Variants in AAK1 observed in about 807,000 individuals in gnomAD.
AAK1 encodes the protein AP2 associated kinase 1, also known as AP2-associated protein kinase 1.
In AAK1, 37 loss-of-function variants were observed where a neutral mutation model predicts 116.0. That is an observed-to-expected ratio of 0.32 (90% CI 0.25 to 0.42). The LOEUF (loss-of-function observed/expected upper bound fraction) is 0.42. Ranked by LOEUF, AAK1 falls within the 10% of genes least tolerant of loss-of-function variation. The pLI is 1.00. For synonymous variants in AAK1, 458 were observed against 439.9 expected (o/e 1.04, Z -0.51); for missense variants, 919 against 1,170.6 (o/e 0.79, Z 3.14).
At chr2:69,622,349 G>A (rs925592207) in intron 2 of AAK1, among the ~76,000 whole-genome samples, 55 of 139,834 alleles carry the variant, frequency 3.9e-4, no homozygotes, top group African/African-American at 1.3e-3. Flanking sequence ...CTGCGCAGCC[G>A]GAGCCTCCCC....
At chr2:69,482,635 T>A in intron 18 of AAK1, 76 bp downstream of exon 18, 1 of 1,226,138 alleles carries the variant, frequency 8.2e-7, no homozygotes, top group Non-Finnish European at 1.2e-6. Flanking sequence ...CAGGGATTGG[T>A]TAACTAGGTA....
At position 69,474,046 on chromosome 2, in the gene AAK1, G is replaced by A. The variant is rs1028035416; in HGVS notation, c.*1823C>T. ...AGCTCATCTTGTTTCAGCCAGCACG[G>A]GAAGTATTTAAAGACAGAAGGAAGG... is the stretch of plus-strand genomic sequence containing the variant. On this transcript the variant is annotated 3_prime_UTR_variant, in exon 22 of 22. Transcript: ENST00000409085. 1.0e-6 allele frequency: 1 copy of A among 985,806 alleles called. No homozygotes were observed. The highest frequency in any genetic ancestry group is 1.7e-5 in the African/African-American group (1 of 57,340). 61.1% of individuals were successfully genotyped at this position (985,806 alleles called of 1,614,324 possible).
intron 17 of AAK1, among the ~76,000 whole-genome samples, chr2:69,488,608 G>A (rs763092043): frequency 6.6e-5 from 10 of 152,152 alleles, no homozygotes; most frequent in South Asian, 2.1e-4. Flanking sequence ...GGGGATTAAC[G>A]TCTCTTTTAA....
chr2:69,540,492 G>A (rs1282959325), intron 5 of AAK1, among the ~76,000 whole-genome samples: 4 of 152,182 alleles, frequency 2.6e-5, no homozygotes, highest in Non-Finnish European at 5.9e-5. Flanking sequence ...AGCTATCTAA[G>A]CCTTTGGGAG....
chr2:69,482,910 T>C (rs1675150912), intron 17 of AAK1, 98 bp from the exon 18 acceptor site: 3 of 707,676 alleles, frequency 4.2e-6, no homozygotes, highest in Non-Finnish European at 7.4e-6. Flanking sequence ...ATTTTAGGGG[T>C]CAATATTTGG....
At chr2:69,484,771 A>T (rs1395029545) in intron 17 of AAK1, among the ~76,000 whole-genome samples, 5 of 152,098 alleles carry the variant, frequency 3.3e-5, no homozygotes, top group Admixed American at 3.3e-4. Flanking sequence ...GCTACTCAGG[A>T]GGCTGAGGCA....
At chr2:69,642,543 G>A (rs562694354) in intron 2 of AAK1, among the ~76,000 whole-genome samples, 58 of 151,994 alleles carry the variant, frequency 3.8e-4, no homozygotes, top group Non-Finnish European at 7.4e-4. Context: ...TTAGGAGGAT[G>A]ACAAGCCCAT....
chr2:69,533,073 A>G (rs1174628203), intron 5 of AAK1, among the ~76,000 whole-genome samples: 1 of 152,166 alleles, frequency 6.6e-6, no homozygotes, highest in East Asian at 1.9e-4. Context: ...CAGCCAAAAA[A>G]TCTTGTTAGG....
At chr2:69,548,536 CTCTT>C (rs1260298600) in intron 3 of AAK1, among the ~76,000 whole-genome samples, 4 of 145,544 alleles carry the variant, frequency 2.7e-5, no homozygotes, top group Admixed American at 2.1e-4. Context: ...CTTTCTCTCT[CTCTT>C]CCTTCCTTCC....
intron 2 of AAK1, among the ~76,000 whole-genome samples, chr2:69,600,368 T>C (rs1163163876): frequency 2.0e-5 from 3 of 151,702 alleles, no homozygotes; most frequent in Non-Finnish European, 2.9e-5. Flanking sequence ...AAATCGTGAT[T>C]CATGAGAAGA....
At chr2:69,582,574 G>T (rs1310503389) in intron 2 of AAK1, among the ~76,000 whole-genome samples, 1 of 152,180 alleles carries the variant, frequency 6.6e-6, no homozygotes, top group Non-Finnish European at 1.5e-5. Context: ...ACCTGCTACT[G>T]GGGGGTGAGG....
chr2:69,622,304 G>A (rs2105239726), intron 2 of AAK1, among the ~76,000 whole-genome samples: 1 of 152,292 alleles, frequency 6.6e-6, no homozygotes, highest in Non-Finnish European at 1.5e-5. Flanking sequence ...CGCCATGCCT[G>A]AGCCTTCCCC....
At chr2:69,587,390 C>CATGTGTATATATACACAT (rs1558982747) in intron 2 of AAK1, among the ~76,000 whole-genome samples, 3 of 149,798 alleles carry the variant, frequency 2.0e-5, no homozygotes, top group Admixed American at 6.6e-5. Context: ...TATACACACA[C>CATGTGTATATATACACAT]GTGTGTACAT....
At chr2:69,569,198 A>G (rs1238027505) in intron 2 of AAK1, among the ~76,000 whole-genome samples, 1 of 152,248 alleles carries the variant, frequency 6.6e-6, no homozygotes, top group African/African-American at 2.4e-5. Context: ...GCAGCAGAAT[A>G]TAAGAGCCTT....
At chr2:69,509,865 C>CA (rs1676324615) in intron 13 of AAK1, among the ~76,000 whole-genome samples, 1 of 152,124 alleles carries the variant, frequency 6.6e-6, no homozygotes, top group Admixed American at 6.5e-5. Flanking sequence ...AAAGGGCAAG[C>CA]AATAGATCCT....
chr2:69,535,542 A>G (rs1299022861), intron 5 of AAK1, among the ~76,000 whole-genome samples: 1 of 152,160 alleles, frequency 6.6e-6, no homozygotes, highest in East Asian at 1.9e-4. Flanking sequence ...TGACAAGAAT[A>G]CAGCAGGTGA....
intron 2 of AAK1, among the ~76,000 whole-genome samples, chr2:69,591,431 T>C (rs1673019254): frequency 6.6e-6 from 1 of 151,996 alleles, no homozygotes; most frequent in African/African-American, 2.4e-5. Flanking sequence ...TGTTGCAGGA[T>C]GATGTCTTCA....
chr2:69,563,128 C>A (rs1435759464), intron 2 of AAK1, among the ~76,000 whole-genome samples: 1 of 152,132 alleles, frequency 6.6e-6, no homozygotes, highest in Non-Finnish European at 1.5e-5. Context: ...CCATGATATT[C>A]AATTCAGCAA....
At chr2:69,523,051 T>C (rs992689942) in intron 10 of AAK1, among the ~76,000 whole-genome samples, 2 of 152,240 alleles carry the variant, frequency 1.3e-5, no homozygotes, top group Non-Finnish European at 1.5e-5. Context: ...GGGAAAAACA[T>C]ATGCCTACAT....
Sources: allele counts gnomAD v4.1 joint callset (sites outside exome capture counted in the v4.1 genomes callset), GRCh38; gene constraint gnomAD v4.1.1; transcripts MANE v1.5; gene names NCBI Gene and HGNC (gene_info 2026-07-23, HGNC 2026-07-21).